The following OLFM3 variants were observed in gnomAD, a reference collection of about 807,000 sequenced individuals.
OLFM3 encodes olfactomedin 3, also known as noelin-3.
Under a neutral mutation model 48.6 loss-of-function variants are expected in OLFM3, and 20 were observed. The ratio of observed to expected loss-of-function variants is 0.41; its 90% CI spans 0.29 to 0.60. The LOEUF (loss-of-function observed/expected upper bound fraction) is 0.60, where lower values mean the gene tolerates loss of function less well. Among genes scored for constraint, OLFM3 ranks in the 20% least tolerant of loss-of-function variants. The probability of loss-of-function intolerance (pLI) is 0.28; values close to 1 mark genes in which losing one functional copy is unlikely to be tolerated. For missense variants in OLFM3, 437 were observed against 544.3 expected (o/e 0.80, Z 1.96); for synonymous variants, 222 against 198.1 (o/e 1.12, Z -1.01).
intron 1 of OLFM3, chr1:101,910,246 C>A (rs1391360141): frequency 5.0e-6 from 2 of 398,234 alleles, no homozygotes; most frequent in East Asian, 3.2e-4. Context: ...GCGGGCGGAT[C>A]ACAAGGTCAG....
chr1:101,964,651 A>C (rs115886493), intron 1 of OLFM3, among the ~76,000 whole-genome samples: 1 of 152,250 alleles, frequency 6.6e-6, no homozygotes, highest in African/African-American at 2.4e-5. Context: ...AGTTATTGCT[A>C]TTTTCACCTC....
At chr1:101,882,387 T>A (rs182731636) in intron 1 of OLFM3, 14 of 149,614 alleles carry the variant, frequency 9.4e-5, no homozygotes, top group Non-Finnish European at 1.6e-4. Flanking sequence ...GATATTGTTA[T>A]ATAATCATAT....
At chr1:101,820,313 G>C (rs1437614448) in intron 4 of OLFM3, among the ~76,000 whole-genome samples, 2 of 152,054 alleles carry the variant, frequency 1.3e-5, no homozygotes, top group African/African-American at 2.4e-5. Context: ...ACTAACAGGA[G>C]GGAGTTGGGG....
At chr1:101,970,957 G>T (rs538433235) in intron 1 of OLFM3, among the ~76,000 whole-genome samples, 1 of 152,186 alleles carries the variant, frequency 6.6e-6, no homozygotes, top group South Asian at 2.1e-4. Flanking sequence ...GCACGTAGCT[G>T]AGTGATGGCA....
At chr1:101,907,521 A>G (rs1399932077) in intron 1 of OLFM3, among the ~76,000 whole-genome samples, 12 of 152,252 alleles carry the variant, frequency 7.9e-5, no homozygotes, top group Admixed American at 7.8e-4. Context: ...GATGCTAATT[A>G]GCAGAATTGC....
chr1:101,869,268 G>A (rs1656978045), intron 1 of OLFM3, among the ~76,000 whole-genome samples: 1 of 152,168 alleles, frequency 6.6e-6, no homozygotes, highest in African/African-American at 2.4e-5. Flanking sequence ...AGCCACAAGA[G>A]CAGAGCTACC....
chr1:101,937,616 G>A (rs1412342881), intron 1 of OLFM3, among the ~76,000 whole-genome samples: 1 of 152,070 alleles, frequency 6.6e-6, no homozygotes, highest in Non-Finnish European at 1.5e-5. Context: ...GCTCCTCCTT[G>A]CCTTCTGCCA....
rs538504881 is a variant in OLFM3 at position 101,978,911 on chromosome 1, A to T, written c.69+17837T>A. Among the ~76,000 whole-genome samples, 10 of 152,302 alleles carry T rather than the reference A, an allele frequency of 6.6e-5. No homozygotes were observed. The South Asian group carries it at 1.9e-3, about 28-fold the overall frequency. On this transcript the variant is annotated intron_variant, in intron 1 of 5. Transcript: ENST00000370103. ...GTTGGATAATTAGACATTGTATAAT[A>T]GATTAAGAGCCATATGTGATCCCTG...
intron 1 of OLFM3, among the ~76,000 whole-genome samples, chr1:101,850,790 A>G (rs1225332881): frequency 1.3e-5 from 2 of 152,202 alleles, no homozygotes; most frequent in Non-Finnish European, 1.5e-5. Context: ...TAGTGTACTC[A>G]TACTTTATTT....
At chr1:101,957,677 G>C (rs1475912241) in intron 1 of OLFM3, among the ~76,000 whole-genome samples, 1 of 151,988 alleles carries the variant, frequency 6.6e-6, no homozygotes, top group African/African-American at 2.4e-5. Flanking sequence ...ATAAAGACTA[G>C]ATGTTACATA....
At chr1:101,824,437 C>T (rs1303304171) in intron 4 of OLFM3, among the ~76,000 whole-genome samples, 1 of 152,170 alleles carries the variant, frequency 6.6e-6, no homozygotes, top group Non-Finnish European at 1.5e-5. Flanking sequence ...GTCCATGACC[C>T]ATGCATGTCA....
intron 4 of OLFM3, among the ~76,000 whole-genome samples, chr1:101,808,142 AT>A (rs1557681868): frequency 1.3e-5 from 2 of 150,960 alleles, no homozygotes; most frequent in Non-Finnish European, 1.5e-5. Flanking sequence ...AAAACATGTG[AT>A]TTTTTTTCTA....
intron 4 of OLFM3, 38 bp downstream of exon 4, chr1:101,824,988 A>T: frequency 6.4e-7 from 1 of 1,558,108 alleles, no homozygotes; most frequent in Non-Finnish European, 8.8e-7. Context: ...GAAACTATAT[A>T]AAAACGTAAC....
intron 1 of OLFM3, among the ~76,000 whole-genome samples, chr1:101,991,038 T>C (rs190215674): frequency 2.9e-4 from 33 of 112,488 alleles, no homozygotes; most frequent in African/African-American, 4.0e-4. Context: ...TATATATATA[T>C]ATACTTCGTG....
At chr1:101,805,260 A>G (rs957644455) in intron 5 of OLFM3, among the ~76,000 whole-genome samples, 1 of 151,798 alleles carries the variant, frequency 6.6e-6, no homozygotes, top group African/African-American at 2.4e-5. Flanking sequence ...ATCAGTGAAA[A>G]CTACAGCAAA....
chr1:101,909,763 G>A (rs1036161199), intron 1 of OLFM3, among the ~76,000 whole-genome samples: 3 of 152,118 alleles, frequency 2.0e-5, no homozygotes, highest in Admixed American at 6.5e-5. Context: ...ATGCTGGTAA[G>A]TTATGTTATT....
intron 1 of OLFM3, among the ~76,000 whole-genome samples, chr1:101,995,375 C>T (rs973507893): frequency 2.6e-5 from 4 of 152,052 alleles, no homozygotes; most frequent in African/African-American, 9.7e-5. Context: ...ACAAAATCAA[C>T]ACTTTTTCCT....
At chr1:101,807,648 T>C (rs1201632277) in intron 4 of OLFM3, among the ~76,000 whole-genome samples, 5 of 151,860 alleles carry the variant, frequency 3.3e-5, no homozygotes, top group Non-Finnish European at 5.9e-5. Flanking sequence ...TTTGCACTAC[T>C]AGTTTAGTGA....
chr1:101,974,904 T>C (rs981723741), intron 1 of OLFM3, among the ~76,000 whole-genome samples: 1 of 152,184 alleles, frequency 6.6e-6, no homozygotes, highest in African/African-American at 2.4e-5. Context: ...ATTTTTTTTG[T>C]TGTTGTTCTT....
Sources: gnomAD v4.1 joint callset for allele counts (sites outside exome capture counted in the v4.1 genomes callset) on GRCh38, gnomAD v4.1.1 for gene constraint, MANE v1.5 for transcripts, NCBI Gene and HGNC (gene_info 2026-07-23, HGNC 2026-07-21) for gene names.